The following GRM3 variants were observed in gnomAD, a reference collection of about 807,000 sequenced individuals.
GRM3 encodes glutamate metabotropic receptor 3.
In GRM3, 26 loss-of-function variants were observed where a neutral mutation model predicts 70.5. The ratio of observed to expected loss-of-function variants is 0.37; its 90% CI spans 0.27 to 0.51. GRM3 has a LOEUF of 0.51. Ranked by LOEUF, GRM3 falls within the 20% of genes least tolerant of loss-of-function variation. GRM3 has a pLI of 0.93. For missense variants in GRM3, 859 were observed against 1,123.8 expected (o/e 0.76, Z 3.37); for synonymous variants, 443 against 434.9 (o/e 1.02, Z -0.23).
chr7:86,723,168 A>G (rs1795511956), intron 1 of GRM3, among the ~76,000 whole-genome samples: 1 of 152,088 alleles, frequency 6.6e-6, no homozygotes, highest in East Asian at 1.9e-4. Context: ...TCATTCCCTT[A>G]TTCTCCATAT....
chr7:86,765,538 C>T lies in GRM3; in HGVS notation c.393C>T (p.Ser131=), dbSNP rs1316032168. 2 of 1,613,644 alleles carry T rather than the reference C, an allele frequency of 1.2e-6. No individual in the cohort carries two copies. Among genetic ancestry groups the T allele is most frequent in the Admixed American group, 1.7e-5 (1 of 59,960 alleles). Residue 131 remains serine, a synonymous_variant, in exon 2 of 6, where the codon TCC becomes TCT. Transcript: ENST00000361669. ...DEAEYMCPDG[S]YAIQENIPLL... is the part of the protein sequence containing the mutation. ...CTGAGTATATGTGTCCTGATGGATCCTATGCCATTCAAGAAAACATCCCAC... is the reference window on the plus strand; with the variant it reads ...CTGAGTATATGTGTCCTGATGGATCTTATGCCATTCAAGAAAACATCCCAC...
chr7:86,676,769 G>A (rs1433744902), intron 1 of GRM3, among the ~76,000 whole-genome samples: 2 of 151,938 alleles, frequency 1.3e-5, no homozygotes, highest in South Asian at 2.1e-4. Flanking sequence ...AATAATGCAG[G>A]CCATATATGT....
intron 2 of GRM3, among the ~76,000 whole-genome samples, chr7:86,785,205 T>C (rs1797193919): frequency 6.6e-6 from 1 of 152,236 alleles, no homozygotes. Flanking sequence ...ATAATTTAAC[T>C]TAAGTCAGTA....
In GRM3 at chr7:86,838,840, T is replaced by G; in HGVS notation, c.1326T>G (p.Ala442=). The G allele has an allele frequency of 1.3e-6, 2 of 1,583,044 alleles. No homozygotes were observed. Among genetic ancestry groups the G allele is most frequent in the Non-Finnish European group, 1.7e-6 (2 of 1,156,068 alleles). ...KDYLLKINFT[A]PFNPNKDADS... ...TTTCTTTCACTTTACATATCACAGC[T>G]CCATTCAACCCAAATAAAGATGCAG... Residue 442 remains alanine (A), a splice_region_variant and synonymous_variant, in exon 4 of 6, where the codon GCT becomes GCG. Coordinates refer to ENST00000361669, the MANE Select transcript of GRM3 (RefSeq NM_000840.3).
At chr7:86,767,464 G>A (rs1168323772) in intron 2 of GRM3, among the ~76,000 whole-genome samples, 1 of 146,332 alleles carries the variant, frequency 6.8e-6, no homozygotes, top group Non-Finnish European at 1.5e-5. Context: ...CTTGGATAAA[G>A]AGAGATGAAA....
At chr7:86,679,111 T>C (rs75928873) in intron 1 of GRM3, among the ~76,000 whole-genome samples, 5,075 of 152,166 alleles carry the variant, frequency 0.033, 280 homozygotes, top group African/African-American at 0.12. Context: ...ATTCATCTTT[T>C]TCTCTGCAGT....
intron 4 of GRM3, among the ~76,000 whole-genome samples, chr7:86,844,597 A>G (rs983576526): frequency 2.0e-5 from 3 of 152,234 alleles, no homozygotes; most frequent in Non-Finnish European, 4.4e-5. Context: ...CTATTACTAC[A>G]TGGCAAAAAG....
At chr7:86,840,242 T>C (rs960408941) in intron 4 of GRM3, among the ~76,000 whole-genome samples, 7 of 152,092 alleles carry the variant, frequency 4.6e-5, no homozygotes, top group Admixed American at 4.6e-4. Flanking sequence ...GAATAAGACA[T>C]AAACTAAGAA....
rs529788365 is a variant in GRM3 at position 86,815,877 on chromosome 7, C to A, written c.1325-22962C>A. On this transcript the variant is annotated intron_variant, in intron 3 of 5. Transcript: ENST00000361669. ...ACTGCCAACTCATGTTACAGAAGAA[C>A]AAACATAAAAAGATGAAATGATTCA... Among the ~76,000 whole-genome samples, 9 of 151,978 alleles carry A rather than the reference C, an allele frequency of 5.9e-5. 1 individual carries two copies. The highest frequency in any genetic ancestry group is 2.2e-4 in the African/African-American group (9 of 41,510).
chr7:86,681,157 G>A lies in GRM3; in HGVS notation c.-141+36285G>A, dbSNP rs146118861. On this transcript the variant is annotated intron_variant, in intron 1 of 5. Coordinates refer to ENST00000361669, the MANE Select transcript of GRM3 (RefSeq NM_000840.3). ...CACTCCTTTTATTTAAACTCGTACC[G>A]TAAGTCCTGGCCAGCATAATAAGAC... Among the ~76,000 whole-genome samples the A allele has an allele frequency of 3.6e-3, 544 of 152,146 alleles. 5 individuals are homozygous for A. Among genetic ancestry groups the A allele is most frequent in the Non-Finnish European group, 5.1e-3 (349 of 67,998 alleles).
chr7:86,669,351 G>A (rs1487766268), intron 1 of GRM3, among the ~76,000 whole-genome samples: 1 of 152,180 alleles, frequency 6.6e-6, no homozygotes, highest in Admixed American at 6.5e-5. Context: ...AAGAACAGGT[G>A]TTAAAAACTC....
intron 5 of GRM3, among the ~76,000 whole-genome samples, chr7:86,852,150 G>A (rs772124599): frequency 3.9e-5 from 6 of 152,162 alleles, no homozygotes; most frequent in East Asian, 1.9e-4. Flanking sequence ...CTACTGTATC[G>A]TGCAGCCTCT....
intron 1 of GRM3, among the ~76,000 whole-genome samples, chr7:86,669,398 C>A (rs1345321247): frequency 6.6e-6 from 1 of 152,164 alleles, no homozygotes; most frequent in African/African-American, 2.4e-5. Context: ...ATCAAGAGCG[C>A]CTCTGCTCAG....
chr7:86,851,544 T>G (rs1292259155), intron 5 of GRM3, among the ~76,000 whole-genome samples: 1 of 152,118 alleles, frequency 6.6e-6, no homozygotes, highest in African/African-American at 2.4e-5. Flanking sequence ...AAATGACTGC[T>G]TCACAATTTT....
At chr7:86,688,370 A>G (rs898407979) in intron 1 of GRM3, among the ~76,000 whole-genome samples, 1 of 151,678 alleles carries the variant, frequency 6.6e-6, no homozygotes, top group Non-Finnish European at 1.5e-5. Flanking sequence ...AAAAAAGTAG[A>G]TCTTAAGTAG....
At chr7:86,651,969 C>A (rs991526489) in intron 1 of GRM3, among the ~76,000 whole-genome samples, 4 of 152,194 alleles carry the variant, frequency 2.6e-5, no homozygotes, top group African/African-American at 9.6e-5. Context: ...ACTAACCCTC[C>A]AACACATTCT....
intron 1 of GRM3, among the ~76,000 whole-genome samples, chr7:86,689,369 C>T (rs1794644148): frequency 6.6e-6 from 1 of 151,842 alleles, no homozygotes; most frequent in Non-Finnish European, 1.5e-5. Context: ...CATTTTCAGA[C>T]AAATGTTATC....
At chr7:86,792,898 A>T (rs1028001313) in intron 3 of GRM3, among the ~76,000 whole-genome samples, 2 of 152,150 alleles carry the variant, frequency 1.3e-5, no homozygotes, top group Admixed American at 1.3e-4. Flanking sequence ...TGTGAAGAGG[A>T]CAATTCCCTG....
intron 2 of GRM3, among the ~76,000 whole-genome samples, chr7:86,769,040 C>T (rs1796675268): frequency 6.6e-6 from 1 of 152,016 alleles, no homozygotes; most frequent in African/African-American, 2.4e-5. Flanking sequence ...GCCATAAATT[C>T]CTAATGGTGA....
Sources: allele counts gnomAD v4.1 joint callset (sites outside exome capture counted in the v4.1 genomes callset), GRCh38; gene constraint gnomAD v4.1.1; transcripts MANE v1.5; gene names NCBI Gene and HGNC (gene_info 2026-07-23, HGNC 2026-07-21).